The following SPAG16 variants were observed in gnomAD, a reference collection of about 807,000 sequenced individuals.
The protein encoded by SPAG16 is sperm-associated antigen 16 protein.
A neutral mutation model predicts 80.4 loss-of-function variants in SPAG16; 86 were observed. The ratio of observed to expected loss-of-function variants is 1.07; its 90% CI spans 0.90 to 1.28. SPAG16 has a LOEUF of 1.28. Among genes scored for constraint, SPAG16 ranks in the 50% most tolerant of loss-of-function variants. SPAG16 has a pLI of 0.00. For synonymous variants in SPAG16, 294 were observed against 265.9 expected, an observed-to-expected ratio of 1.11 and a Z score of -1.03; for missense variants, 870 against 765.3, an observed-to-expected ratio of 1.14 and a Z score of -1.61.
At chr2:214,172,263 A>C (rs182086696) in intron 15 of SPAG16, among the ~76,000 whole-genome samples, 2,423 of 151,952 alleles carry the variant, frequency 0.016, 63 homozygotes, top group Admixed American at 0.058. Context: ...ACCCCACAAC[A>C]GTCCCCAGAG....
At chr2:213,569,988 A>G (rs1290532928) in intron 10 of SPAG16, among the ~76,000 whole-genome samples, 9 of 94,956 alleles carry the variant, frequency 9.5e-5, no homozygotes. Context: ...CGAGGAATGT[A>G]TCCATTTCTT....
At chr2:214,373,739 T>G (rs1337888679) in intron 15 of SPAG16, among the ~76,000 whole-genome samples, 1 of 152,134 alleles carries the variant, frequency 6.6e-6, no homozygotes. Context: ...GGTGAGCAAT[T>G]TACTTTTGCT....
intron 12 of SPAG16, among the ~76,000 whole-genome samples, chr2:213,933,011 C>T (rs1430186604): frequency 7.1e-6 from 1 of 141,458 alleles, no homozygotes; most frequent in African/African-American, 2.5e-5. Flanking sequence ...CCAGAGAGTG[C>T]TTGGCACATG....
chr2:213,298,966 T>C (rs1418511413), intron 3 of SPAG16, among the ~76,000 whole-genome samples: 3 of 152,192 alleles, frequency 2.0e-5, no homozygotes, highest in Non-Finnish European at 4.4e-5. Flanking sequence ...TTAATTTGCT[T>C]TTTATTTCTA....
intron 10 of SPAG16, among the ~76,000 whole-genome samples, chr2:213,785,078 A>C (rs1323095762): frequency 6.6e-6 from 1 of 152,144 alleles, no homozygotes; most frequent in Non-Finnish European, 1.5e-5. Context: ...ATAAAATTCA[A>C]GCAATATGGA....
intron 10 of SPAG16, among the ~76,000 whole-genome samples, chr2:213,777,737 G>A (rs549556298): frequency 1.2e-4 from 18 of 152,054 alleles, no homozygotes; most frequent in African/African-American, 3.1e-4. Context: ...GGGTTTCACC[G>A]TGTTGGCCAG....
chr2:213,890,601 AT>A (rs2076748388), intron 11 of SPAG16, among the ~76,000 whole-genome samples: 1 of 151,446 alleles, frequency 6.6e-6, no homozygotes, highest in East Asian at 1.9e-4. Context: ...GTTATTTATT[AT>A]TTTGGTAGAC....
intron 13 of SPAG16, among the ~76,000 whole-genome samples, chr2:214,032,746 C>A (rs972671127): frequency 1.1e-4 from 17 of 151,988 alleles, no homozygotes; most frequent in African/African-American, 4.1e-4. Context: ...ACCCCAAATT[C>A]TATATTAATT....
intron 10 of SPAG16, among the ~76,000 whole-genome samples, chr2:213,531,319 T>G (rs1430250808): frequency 6.6e-6 from 1 of 151,952 alleles, no homozygotes; most frequent in Non-Finnish European, 1.5e-5. Flanking sequence ...AGCCTTTGTT[T>G]TGCTCATGCA....
At chr2:213,580,857 A>T (rs2060275669) in intron 10 of SPAG16, among the ~76,000 whole-genome samples, 1 of 152,098 alleles carries the variant, frequency 6.6e-6, no homozygotes, top group African/African-American at 2.4e-5. Context: ...TTTACATGCC[A>T]GAAGTTTTGC....
chr2:213,577,906 A>C (rs2060181081), intron 10 of SPAG16, among the ~76,000 whole-genome samples: 1 of 152,136 alleles, frequency 6.6e-6, no homozygotes, highest in South Asian at 2.1e-4. Context: ...TCTGCCTCAT[A>C]CTGCCTTTTA....
intron 15 of SPAG16, among the ~76,000 whole-genome samples, chr2:214,248,335 T>C (rs991732904): frequency 3.6e-5 from 5 of 139,168 alleles, no homozygotes; most frequent in Non-Finnish European, 6.2e-5. Flanking sequence ...ATTATTATTA[T>C]TGAGACAGAG....
chr2:213,983,870 T>C (rs1412597227), intron 12 of SPAG16, among the ~76,000 whole-genome samples: 1 of 152,032 alleles, frequency 6.6e-6, no homozygotes, highest in African/African-American at 2.4e-5. Flanking sequence ...TTCCTAAGCA[T>C]AGGGCATGAT....
chr2:214,010,803 G>A (rs183180638), intron 12 of SPAG16, among the ~76,000 whole-genome samples: 2 of 146,614 alleles, frequency 1.4e-5, no homozygotes, highest in East Asian at 3.9e-4. Flanking sequence ...TGTGATTACA[G>A]ATCAAAATAT....
intron 9 of SPAG16, among the ~76,000 whole-genome samples, chr2:213,451,590 T>C (rs2071692803): frequency 6.6e-6 from 1 of 152,092 alleles, no homozygotes; most frequent in South Asian, 2.1e-4. Context: ...CATAGTGAAA[T>C]TGGAGCAAAA....
intron 9 of SPAG16, among the ~76,000 whole-genome samples, chr2:213,442,382 A>G (rs1266048931): frequency 6.6e-6 from 1 of 152,228 alleles, no homozygotes; most frequent in Non-Finnish European, 1.5e-5. Flanking sequence ...ATTGCCAATC[A>G]AAATCCCAGC....
intron 15 of SPAG16, among the ~76,000 whole-genome samples, chr2:214,214,125 C>T (rs550456487): frequency 6.4e-4 from 97 of 152,012 alleles, no homozygotes; most frequent in African/African-American, 2.2e-3. Flanking sequence ...CTTATATCTC[C>T]ATGTCATTCA....
chr2:213,619,290 A>G (rs1234892155), intron 10 of SPAG16, among the ~76,000 whole-genome samples: 2 of 152,194 alleles, frequency 1.3e-5, no homozygotes, highest in Non-Finnish European at 2.9e-5. Context: ...AGGACAGTCA[A>G]CAAAACCAAA....
At chr2:213,868,382 G>A (rs1032070397) in intron 11 of SPAG16, among the ~76,000 whole-genome samples, 2 of 151,966 alleles carry the variant, frequency 1.3e-5, no homozygotes, top group Admixed American at 1.3e-4. Flanking sequence ...TACAGTGGTT[G>A]AACTTCCTTA....
Sources: gnomAD v4.1 joint callset for allele counts (sites outside exome capture counted in the v4.1 genomes callset) on GRCh38, gnomAD v4.1.1 for gene constraint, MANE v1.5 for transcripts, NCBI Gene and HGNC (gene_info 2026-07-23, HGNC 2026-07-21) for gene names.